The following GRM5 variants were observed in gnomAD, a reference collection of about 807,000 sequenced individuals.
GRM5 encodes metabotropic glutamate receptor 5.
In GRM5, 19 loss-of-function variants were observed where a neutral mutation model predicts 83.1. The observed-to-expected ratio is 0.23, with a 90% CI of 0.16 to 0.34. The LOEUF (loss-of-function observed/expected upper bound fraction) is 0.34, where lower values mean the gene tolerates loss of function less well. Among genes scored for constraint, GRM5 ranks in the 10% least tolerant of loss-of-function variants. The probability of loss-of-function intolerance (pLI) is 1.00; values close to 1 mark genes in which losing one functional copy is unlikely to be tolerated. For missense variants in GRM5, 1,160 were observed against 1,588.3 expected (o/e 0.73, Z 4.58); for synonymous variants, 675 against 633.6 (o/e 1.07, Z -0.98).
At chr11:88,806,724 C>T (rs968101027) in intron 3 of GRM5, among the ~76,000 whole-genome samples, 4 of 152,154 alleles carry the variant, frequency 2.6e-5, no homozygotes, top group Non-Finnish European at 5.9e-5. Flanking sequence ...TCAACACCCT[C>T]ATCCTGGGAA....
chr11:89,001,723 A>C (rs879754184), intron 2 of GRM5, among the ~76,000 whole-genome samples: 2 of 152,186 alleles, frequency 1.3e-5, no homozygotes, highest in Admixed American at 6.5e-5. Context: ...AGACCTCTCT[A>C]TATATTTCTC....
At chr11:88,599,547 C>T (rs1023225375) in intron 5 of GRM5, among the ~76,000 whole-genome samples, 1 of 152,112 alleles carries the variant, frequency 6.6e-6, no homozygotes. Flanking sequence ...TTGGTATGAG[C>T]CCTTTTAATT....
chr11:88,555,867 T>A (rs1313645401), intron 8 of GRM5, among the ~76,000 whole-genome samples: 1 of 152,174 alleles, frequency 6.6e-6, no homozygotes, highest in Non-Finnish European at 1.5e-5. Flanking sequence ...CAGTGATTTA[T>A]CATTTAGTTT....
chr11:88,818,406 C>A (rs1245630883), intron 3 of GRM5, among the ~76,000 whole-genome samples: 4 of 152,038 alleles, frequency 2.6e-5, no homozygotes, highest in Non-Finnish European at 5.9e-5. Context: ...GATATGCTGA[C>A]TTTTGGCTCC....
At chr11:89,063,068 G>A (rs1942027311) in intron 1 of GRM5, among the ~76,000 whole-genome samples, 1 of 152,248 alleles carries the variant, frequency 6.6e-6, no homozygotes, top group South Asian at 2.1e-4. Flanking sequence ...GCGCCACGAA[G>A]CGGCCCCTAA....
chr11:89,056,694 A>G (rs949770932), intron 1 of GRM5, among the ~76,000 whole-genome samples: 4 of 152,122 alleles, frequency 2.6e-5, no homozygotes, highest in Admixed American at 6.6e-5. Context: ...TCTTGTAATG[A>G]TAAAAAAGCT....
chr11:88,966,986 C>T (rs1938995404), intron 2 of GRM5, among the ~76,000 whole-genome samples: 2 of 151,886 alleles, frequency 1.3e-5, no homozygotes, highest in Non-Finnish European at 2.9e-5. Flanking sequence ...TGCAGCTAGG[C>T]CAAGAGAAAT....
At chr11:88,864,958 T>C (rs1944637455) in intron 2 of GRM5, among the ~76,000 whole-genome samples, 1 of 152,050 alleles carries the variant, frequency 6.6e-6, no homozygotes, top group Non-Finnish European at 1.5e-5. Context: ...ATTTATGTGA[T>C]GGATTACATT....
At chr11:89,053,275 A>G (rs1941797515) in intron 1 of GRM5, among the ~76,000 whole-genome samples, 1 of 152,186 alleles carries the variant, frequency 6.6e-6, no homozygotes, top group African/African-American at 2.4e-5. Context: ...TCATCAGATT[A>G]TGAAGCCTAA....
chr11:88,522,097 GC>G (rs1444038299), intron 9 of GRM5, among the ~76,000 whole-genome samples: 1 of 152,166 alleles, frequency 6.6e-6, no homozygotes, highest in African/African-American at 2.4e-5. Context: ...CCTGGAACTA[GC>G]TATTCAATAA....
chr11:88,567,672 T>C lies in GRM5; in HGVS notation c.2011A>G (p.Arg671Gly). The change falls in exon 8 of 10, where the codon AGG (arginine) becomes GGG (glycine). Residue 671 changes from arginine to glycine, a missense_variant. By Grantham distance (125) the Arg-to-Gly change is moderately radical. Transcript: ENST00000305447. The surrounding 1 kb of genome is among the most constrained non-coding windows in gnomAD (Gnocchi z 7.3). ...ALVTKTNRIARILAGSKKKIC... is the reference protein window; with the variant it reads ...ALVTKTNRIAGILAGSKKKIC... ...TTCTTCTTGCTGCCAGCCAGGATCCTTGCAATACGGTTGGTCTTTGTTACA... is the reference window on the plus strand; with the variant it reads ...TTCTTCTTGCTGCCAGCCAGGATCCCTGCAATACGGTTGGTCTTTGTTACA... 1 of 1,614,108 alleles carries C rather than the reference T, an allele frequency of 6.2e-7. No individual in the cohort carries two copies. The highest frequency in any genetic ancestry group is 1.1e-5 in the South Asian group (1 of 91,066).
chr11:88,630,474 C>T (rs143367634), intron 4 of GRM5, among the ~76,000 whole-genome samples: 1,520 of 150,578 alleles, frequency 0.01, 23 homozygotes, highest in African/African-American at 0.032. Context: ...CATATATTTG[C>T]CTTGTATTCC....
At position 89,032,727 on chromosome 11, in the gene GRM5, T is replaced by C. The variant is rs188945020; in HGVS notation, c.661+14485A>G. Among the ~76,000 whole-genome samples the C allele has an allele frequency of 1.8e-4, 28 of 152,116 alleles. 1 individual carries two copies. The East Asian group carries it at 5.2e-3, about 28-fold the overall frequency. On this transcript the variant is annotated intron_variant, in intron 2 of 9. Transcript: ENST00000305447. ...GAACTTGCCTCATTTCCACAGCAAA[T>C]AGTGATGGACCAGCAAATAAGATAA...
intron 3 of GRM5, among the ~76,000 whole-genome samples, chr11:88,807,024 T>C (rs1200792606): frequency 6.6e-6 from 1 of 152,190 alleles, no homozygotes; most frequent in East Asian, 1.9e-4. Flanking sequence ...AAGGTTTTAC[T>C]TTCCCTAGGC....
In GRM5 at chr11:88,665,533, T is replaced by C. The variant is rs147491565; in HGVS notation, c.912-12130A>G. On this transcript the variant is annotated intron_variant, in intron 3 of 9. Transcript: ENST00000305447. ...ATAGTTTCCAAATAAAACGTATAGG[T>C]ATAGAGGAAGAGTAAATAATCAAAA... is the stretch of plus-strand genomic sequence containing the variant. Among the ~76,000 whole-genome samples, 75 of 152,250 alleles carry C rather than the reference T, an allele frequency of 4.9e-4. No homozygotes were observed. The East Asian group carries it at 0.012, about 24-fold the overall frequency.
chr11:88,508,959 G>A lies in GRM5; in HGVS notation c.3272C>T (p.Ala1091Val). The A allele has an allele frequency of 1.3e-6, 2 of 1,592,350 alleles. No individual in the cohort carries two copies. The highest frequency in any genetic ancestry group is 1.3e-5 in the African/African-American group (1 of 74,584). The change falls in exon 10 of 10, where the codon GCC becomes GTC. Residue 1091 changes from alanine to valine, a missense_variant. Ala to Val is a moderately conservative substitution (Grantham distance 64). This residue lies in a region of GRM5 where 562 missense variants were observed against 532.4 expected (regional missense o/e 1.06). Transcript: ENST00000305447. The surrounding 1 kb of genome is among the most constrained non-coding windows in gnomAD (Gnocchi z 4.2). ...STAAPSPGVG[A>V]PLCSSYLIPK... Reference sequence around the variant, plus strand: ...GATCAGGTAGGACGAGCAGAGCGGGGCGCCGACGCCGGGGCTGGGGGCCGC... The same window carrying A: ...GATCAGGTAGGACGAGCAGAGCGGGACGCCGACGCCGGGGCTGGGGGCCGC...
Position 88,505,815 on chromosome 11 carries a change from A to C in GRM5, c.*2777T>G, listed in dbSNP as rs1020055326. On this transcript the variant is annotated 3_prime_UTR_variant, in exon 10 of 10. Coordinates refer to ENST00000305447, the MANE Select transcript of GRM5 (RefSeq NM_001143831.3). ...GGTCCCGACTGAATTATCACTGGGC[A>C]CCAGGAACAGATTGTTTTGAAGGAA... 6 of 152,202 alleles carry C rather than the reference A, an allele frequency of 3.9e-5. No individual in the cohort carries two copies. The highest frequency in any genetic ancestry group is 1.4e-4 in the African/African-American group (6 of 41,448). 9.4% of individuals were successfully genotyped at this position (152,202 alleles called of 1,614,324 possible).
At chr11:89,064,854 TTCTCTCTCTCTC>T (rs144985912) in intron 1 of GRM5, among the ~76,000 whole-genome samples, 118 of 46,090 alleles carry the variant, frequency 2.6e-3, no homozygotes, top group African/African-American at 7.8e-3. Flanking sequence ...ATTTTTCATA[TTCTCTCTCTCTC>T]TCTCTCTCTC....
intron 3 of GRM5, among the ~76,000 whole-genome samples, chr11:88,700,829 A>G (rs924139112): frequency 2.0e-5 from 3 of 152,176 alleles, no homozygotes; most frequent in African/African-American, 7.2e-5. Flanking sequence ...TCTTCAAGGT[A>G]CAACTGAGAT....
Sources: allele counts gnomAD v4.1 joint callset (sites outside exome capture counted in the v4.1 genomes callset), GRCh38; gene constraint gnomAD v4.1.1; regional missense constraint gnomAD v4.1.1; non-coding constraint Gnocchi (gnomAD v3.1); transcripts MANE v1.5; gene names NCBI Gene and HGNC (gene_info 2026-07-23, HGNC 2026-07-21).